The following TASP1 variants were observed in gnomAD, a reference collection of about 807,000 sequenced individuals.
TASP1 encodes taspase 1, also known as threonine aspartase 1.
Under a neutral mutation model 56.6 loss-of-function variants are expected in TASP1, and 16 were observed. That is an observed-to-expected ratio of 0.28 (90% CI 0.19 to 0.43). The LOEUF (loss-of-function observed/expected upper bound fraction) is 0.43. TASP1 is among the 20% of genes least tolerant of loss of function. The pLI, the probability that TASP1 is intolerant of heterozygous loss-of-function variation, is 1.00. For missense variants in TASP1, 393 were observed against 511.6 expected (o/e 0.77, Z 2.24); for synonymous variants, 179 against 184.2 (o/e 0.97, Z 0.23).
At chr20:13,268,128 T>TCTCTTCTCTTCTCTTCTC in the TASP1 span, among the ~76,000 whole-genome samples, 1 of 149,350 alleles carries the variant, frequency 6.7e-6, no homozygotes, top group East Asian at 2.0e-4. Context: ...TCTCTTCTCT[T>TCTCTTCTCTTCTCTTCTC]CTCTTCTCTT....
Position 13,392,668 on chromosome 20 carries a change from C to T in TASP1, c.1171-2216G>A, listed in dbSNP as rs1441395123. Reference sequence around the variant, plus strand: ...CCGCATCTTCTCATGCAGTGCTAGCCACATCCCTGGTGAAGGTGAAGGCCA... The same window carrying T: ...CCGCATCTTCTCATGCAGTGCTAGCTACATCCCTGGTGAAGGTGAAGGCCA... On this transcript the variant is annotated intron_variant, in intron 13 of 13. Transcript: ENST00000337743. 2.0e-5 allele frequency: 10 copies of T among 495,572 alleles called. No individual in the cohort carries two copies. The Admixed American group carries it at 2.1e-4, about 10-fold the overall frequency. The allele number at this position is 495,572 out of a possible 1,614,324, so 30.7% of individuals were successfully genotyped here. A position where few individuals can be genotyped will look rare whatever the true frequency, so the allele number is the denominator to read the frequency against.
the TASP1 span, among the ~76,000 whole-genome samples, chr20:13,241,470 C>T: frequency 6.6e-6 from 1 of 151,818 alleles, no homozygotes; most frequent in East Asian, 1.9e-4. Flanking sequence ...TTCAAGAAGG[C>T]AAGGGGCTAT....
At chr20:13,405,196 T>C (rs1420336221) in intron 13 of TASP1, among the ~76,000 whole-genome samples, 1 of 152,218 alleles carries the variant, frequency 6.6e-6, no homozygotes, top group Non-Finnish European at 1.5e-5. Context: ...GACAGTTTAC[T>C]AGATATTGTG....
the TASP1 span, among the ~76,000 whole-genome samples, chr20:13,369,289 T>C: frequency 6.6e-6 from 1 of 152,070 alleles, no homozygotes; most frequent in African/African-American, 2.4e-5. Context: ...CTATCAAAAA[T>C]ACAAAAATTA....
intron 4 of TASP1, among the ~76,000 whole-genome samples, chr20:13,593,964 C>T (rs1388876114): frequency 6.6e-6 from 1 of 152,210 alleles, no homozygotes; most frequent in East Asian, 1.9e-4. Context: ...CTGACAGACA[C>T]CTCATACAGG....
chr20:13,280,244 T>C, the TASP1 span, among the ~76,000 whole-genome samples: 1 of 152,074 alleles, frequency 6.6e-6, no homozygotes, highest in African/African-American at 2.4e-5. Flanking sequence ...TATTTTTTAC[T>C]GTAAAAATTC....
intron 4 of TASP1, among the ~76,000 whole-genome samples, chr20:13,607,015 T>C (rs992093944): frequency 7.2e-5 from 11 of 152,202 alleles, no homozygotes; most frequent in Admixed American, 2.6e-4. Flanking sequence ...AGGTTGCTCC[T>C]ATAGAGAAAT....
intron 10 of TASP1, among the ~76,000 whole-genome samples, chr20:13,515,557 A>C (rs1428089530): frequency 6.6e-6 from 1 of 151,748 alleles, no homozygotes; most frequent in Non-Finnish European, 1.5e-5. Context: ...TTAAAAAAAA[A>C]AAAAAAAAAA....
At chr20:13,157,665 A>G in the TASP1 span, among the ~76,000 whole-genome samples, 1 of 140,034 alleles carries the variant, frequency 7.1e-6, no homozygotes, top group Non-Finnish European at 1.5e-5. Flanking sequence ...CTACAAACAG[A>G]AAAAAAAAAA....
chr20:13,567,954 C>A (rs2147126692), intron 7 of TASP1, among the ~76,000 whole-genome samples: 1 of 152,252 alleles, frequency 6.6e-6, no homozygotes, highest in South Asian at 2.1e-4. Flanking sequence ...AGGGAACTGA[C>A]AGATGACCTA....
At chr20:13,152,512 G>A in the TASP1 span, among the ~76,000 whole-genome samples, 3,166 of 152,262 alleles carry the variant, frequency 0.021, 68 homozygotes, top group East Asian at 0.041. Flanking sequence ...AGTGTCCTGC[G>A]CAGTGGCTTC....
the TASP1 span, among the ~76,000 whole-genome samples, chr20:13,244,952 G>C: frequency 6.6e-6 from 1 of 152,194 alleles, no homozygotes; most frequent in African/African-American, 2.4e-5. Flanking sequence ...TGGAAACAAT[G>C]AAAGAAAGGA....
intron 4 of TASP1, among the ~76,000 whole-genome samples, chr20:13,607,372 T>C (rs2048195212): frequency 6.6e-6 from 1 of 152,210 alleles, no homozygotes; most frequent in South Asian, 2.1e-4. Context: ...CCACAACTTG[T>C]ATTACCCATT....
intron 8 of TASP1, among the ~76,000 whole-genome samples, chr20:13,554,281 A>T (rs1001802880): frequency 2.0e-5 from 3 of 152,336 alleles, no homozygotes; most frequent in Non-Finnish European, 4.4e-5. Context: ...CAAGGGGACA[A>T]ATATGCATTT....
At chr20:13,292,508 C>T in the TASP1 span, 5 of 1,228,626 alleles carry the variant, frequency 4.1e-6, no homozygotes, top group African/African-American at 3.0e-5. Flanking sequence ...CTTAGTGCCT[C>T]GGAGATTCCT....
chr20:13,127,390 CA>C, the TASP1 span, among the ~76,000 whole-genome samples: 1 of 152,174 alleles, frequency 6.6e-6, no homozygotes, highest in Non-Finnish European at 1.5e-5. Flanking sequence ...TGCTGCCAGG[CA>C]AACTGGTGAG....
chr20:13,220,446 T>C, the TASP1 span, among the ~76,000 whole-genome samples: 9 of 152,114 alleles, frequency 5.9e-5, no homozygotes, highest in African/African-American at 2.2e-4. Flanking sequence ...TGGCCCGGGA[T>C]CGACAGCTGC....
the TASP1 span, among the ~76,000 whole-genome samples, chr20:13,273,497 A>C: frequency 6.6e-6 from 1 of 152,146 alleles, no homozygotes; most frequent in Non-Finnish European, 1.5e-5. Flanking sequence ...CAGCCTCTCA[A>C]AATGCGGGGA....
At chr20:13,265,357 C>G in the TASP1 span, among the ~76,000 whole-genome samples, 3 of 152,118 alleles carry the variant, frequency 2.0e-5, no homozygotes, top group African/African-American at 4.8e-5. Context: ...TAATACCTAC[C>G]TCAAATGGTA....
Sources: gnomAD v4.1 joint callset for allele counts (sites outside exome capture counted in the v4.1 genomes callset) on GRCh38, gnomAD v4.1.1 for gene constraint, MANE v1.5 for transcripts, NCBI Gene and HGNC (gene_info 2026-07-23, HGNC 2026-07-21) for gene names.